MIER1: variants seen among roughly 807,000 people sequenced by gnomAD.
MIER1 encodes mesoderm induction early response protein 1.
MIER1 carries 40 observed loss-of-function variants against 75.7 expected under a neutral mutation model. The ratio of observed to expected loss-of-function variants is 0.53; its 90% CI spans 0.41 to 0.69. MIER1 has a LOEUF of 0.69. MIER1 is among the 30% of genes least tolerant of loss of function. The probability of loss-of-function intolerance (pLI) is 0.00; values close to 1 mark genes in which losing one functional copy is unlikely to be tolerated. For missense variants in MIER1, 574 were observed against 680.2 expected (o/e 0.84, Z 1.74); for synonymous variants, 213 against 223.4 (o/e 0.95, Z 0.42).
chr1:66,946,763 A>G, intron 4 of MIER1: 1 of 985,510 alleles, frequency 1.0e-6, no homozygotes, highest in South Asian at 4.7e-5. Context: ...TGACCAGTGA[A>G]CTTTCCTTGT....
chr1:66,980,277 A>G (rs1208905438), intron 12 of MIER1, among the ~76,000 whole-genome samples: 1 of 152,216 alleles, frequency 6.6e-6, no homozygotes, highest in African/African-American at 2.4e-5. Context: ...AGACCATCTA[A>G]TTTAATTCTA....
chr1:66,926,382 A>C, intron 2 of MIER1, 140 bp downstream of exon 2: 1 of 634,128 alleles, frequency 1.6e-6, no homozygotes, highest in South Asian at 2.0e-5. Context: ...GGTGAGATAA[A>C]AATAACATGT....
At chr1:66,929,666 A>C (rs1400278401) in intron 2 of MIER1, among the ~76,000 whole-genome samples, 1 of 152,228 alleles carries the variant, frequency 6.6e-6, no homozygotes, top group Non-Finnish European at 1.5e-5. Context: ...CTGTGTTGCT[A>C]CCGGCATGAC....
intron 10 of MIER1, among the ~76,000 whole-genome samples, chr1:66,972,015 C>G (rs926770728): frequency 6.7e-6 from 1 of 150,326 alleles, no homozygotes; most frequent in Non-Finnish European, 1.5e-5. Flanking sequence ...CTTATTTGAT[C>G]TTGATAATTG....
chr1:66,966,054 A>G (rs1481693281), intron 8 of MIER1, among the ~76,000 whole-genome samples: 1 of 150,076 alleles, frequency 6.7e-6, no homozygotes, highest in Non-Finnish European at 1.5e-5. Context: ...TTTTTTTTAT[A>G]CTTTAAGTTC....
intron 11 of MIER1, among the ~76,000 whole-genome samples, 154 bp from the exon 12 acceptor site, chr1:66,976,441 A>G (rs1026596156): frequency 1.3e-5 from 2 of 152,262 alleles, no homozygotes; most frequent in African/African-American, 4.8e-5. Flanking sequence ...TAGAAAGAAT[A>G]GCTTTCAACA....
intron 4 of MIER1, 54 bp downstream of exon 4, chr1:66,946,349 G>A (rs578177900): frequency 1.2e-4 from 178 of 1,488,214 alleles, no homozygotes; most frequent in Non-Finnish European, 1.0e-4. Context: ...TTTGTGGAAA[G>A]GGAAGATCTG....
chr1:66,972,794 C>T, intron 10 of MIER1, 103 bp from the exon 11 acceptor site: 1 of 621,416 alleles, frequency 1.6e-6, no homozygotes, highest in South Asian at 2.0e-5. Context: ...GAGTAAAATG[C>T]TTCCCTCATT....
intron 2 of MIER1, chr1:66,930,515 C>A (rs1439075321): frequency 3.9e-5 from 44 of 1,117,868 alleles, no homozygotes; most frequent in Non-Finnish European, 5.6e-5. Flanking sequence ...CGCCGCTGCC[C>A]ACCTGTTGTC....
At chr1:66,979,805 A>G (rs893841683) in intron 12 of MIER1, among the ~76,000 whole-genome samples, 14 of 149,548 alleles carry the variant, frequency 9.4e-5, no homozygotes, top group Non-Finnish European at 1.8e-4. Context: ...CCTGTTGCCC[A>G]GGCTGCTGGA....
At chr1:66,955,373 GT>G (rs1274696352) in intron 4 of MIER1, among the ~76,000 whole-genome samples, 1 of 116,978 alleles carries the variant, frequency 8.5e-6, no homozygotes, top group Non-Finnish European at 1.6e-5. Flanking sequence ...TTAATTGCAG[GT>G]ACTCGGGCCT....
intron 4 of MIER1, among the ~76,000 whole-genome samples, chr1:66,951,375 C>T (rs1262655706): frequency 1.3e-5 from 2 of 152,048 alleles, no homozygotes; most frequent in African/African-American, 4.8e-5. Flanking sequence ...GCAGTCCTCC[C>T]ACTTCGGCCT....
At position 66,946,138 on chromosome 1, in the gene MIER1, A is replaced by G; in HGVS notation, c.194-12A>G. On this transcript the variant is annotated splice_polypyrimidine_tract_variant and intron_variant, in intron 3 of 13. Transcript: ENST00000401041. Reference sequence around the variant, plus strand: ...TTTGGTTTACCAAACTTTTTGAAATATTCCTTACCAGGAGGTTCAGCAACA... The same window carrying G: ...TTTGGTTTACCAAACTTTTTGAAATGTTCCTTACCAGGAGGTTCAGCAACA... 8 of 1,592,248 alleles carry G rather than the reference A, an allele frequency of 5.0e-6. No individual in the cohort carries two copies. The highest frequency in any genetic ancestry group is 6.8e-6 in the Non-Finnish European group (8 of 1,174,538).
At chr1:66,952,184 CTT>C (rs1419580121) in intron 4 of MIER1, among the ~76,000 whole-genome samples, 8 of 152,298 alleles carry the variant, frequency 5.3e-5, no homozygotes, top group East Asian at 1.9e-4. Flanking sequence ...TTTTTATACT[CTT>C]TTAACACTTA....
At chr1:66,946,914 A>G (rs989101703) in intron 4 of MIER1, 2 of 985,052 alleles carry the variant, frequency 2.0e-6, no homozygotes, top group Non-Finnish European at 2.4e-6. Flanking sequence ...GTTTCTATTC[A>G]GTATCTTTTG....
intron 1 of MIER1, 118 bp downstream of exon 1, chr1:66,925,213 C>G: frequency 7.2e-7 from 1 of 1,396,882 alleles, no homozygotes; most frequent in Non-Finnish European, 9.3e-7. Context: ...GTGTACCGCC[C>G]GGAAGACCCT....
chr1:66,961,886 T>C lies in MIER1; in HGVS notation c.700-1202T>C, dbSNP rs143810154. On this transcript the variant is annotated intron_variant, in intron 7 of 13. Transcript: ENST00000401041. ...TTTAGAAAACTGATCATGAGAAAGA[T>C]TGGTTTTTCTTATGGGTATAGAAAT... Among the ~76,000 whole-genome samples the C allele has an allele frequency of 2.6e-5, 4 of 152,324 alleles. No homozygotes were observed. The East Asian group carries it at 5.8e-4, about 22-fold the overall frequency.
intron 2 of MIER1, among the ~76,000 whole-genome samples, chr1:66,938,487 C>T (rs758440189): frequency 6.6e-6 from 1 of 152,098 alleles, no homozygotes; most frequent in Non-Finnish European, 1.5e-5. Flanking sequence ...AGTATAACTG[C>T]GTGAAACACA....
rs867596903 is a variant in MIER1, at chr1:66,984,433, A to G, written c.1370-139A>G. 80 of 596,852 alleles carry G rather than the reference A, an allele frequency of 1.3e-4. No homozygotes were observed. In the Middle Eastern group the frequency reaches 5.1e-3, roughly 38 times the overall value. 37.0% of individuals were successfully genotyped at this position (596,852 alleles called of 1,614,324 possible). Reference sequence around the variant, plus strand: ...TAATTTGCCTAAGGCGACATAGCTTATAAGTAATAGAGCAAGAATTTAGAC... The same window carrying G: ...TAATTTGCCTAAGGCGACATAGCTTGTAAGTAATAGAGCAAGAATTTAGAC... On this transcript the variant is annotated intron_variant, in intron 13 of 13. Coordinates refer to ENST00000401041, the MANE Select transcript of MIER1 (RefSeq NM_001077700.3).
Sources: gnomAD v4.1 joint callset for allele counts (sites outside exome capture counted in the v4.1 genomes callset) on GRCh38, gnomAD v4.1.1 for gene constraint, MANE v1.5 for transcripts, NCBI Gene and HGNC (gene_info 2026-07-23, HGNC 2026-07-21) for gene names.